The following PTGFRN variants were observed in gnomAD, a reference collection of about 807,000 sequenced individuals.
PTGFRN encodes prostaglandin F2 receptor inhibitor.
PTGFRN carries 35 observed loss-of-function variants against 83.2 expected under a neutral mutation model. The ratio of observed to expected loss-of-function variants is 0.42; its 90% confidence interval spans 0.32 to 0.56. The LOEUF (loss-of-function observed/expected upper bound fraction) is 0.56. PTGFRN is among the 20% of genes least tolerant of loss of function. PTGFRN has a pLI of 0.11. For synonymous variants in PTGFRN, 519 were observed against 498.6 expected (o/e 1.04, Z -0.55); for missense variants, 1,051 against 1,179.5 (o/e 0.89, Z 1.60).
chr1:116,984,236 G>C (rs1651399184), intron 7 of PTGFRN, among the ~76,000 whole-genome samples: 1 of 151,924 alleles, frequency 6.6e-6, no homozygotes, highest in African/African-American at 2.4e-5. Context: ...TTCCAGTCTT[G>C]GGTTCTTCTG....
Position 116,961,520 on chromosome 1 carries a change from G to A in PTGFRN, c.1491G>A (p.Thr497=), listed in dbSNP as rs770023214. The A allele has an allele frequency of 6.8e-6, 11 of 1,613,992 alleles. No individual in the cohort carries two copies. Among genetic ancestry groups the A allele is most frequent in the East Asian group, 4.5e-5 (2 of 44,886 alleles). ...DFIFSKEHTD[T]FNFRIQRTTE... is the part of the protein sequence containing the mutation. ...TTTTTTCTAAGGAACATACAGACACGTTCAATTTCCGGATCCAAAGGACTA... is the reference window on the plus strand; with the variant it reads ...TTTTTTCTAAGGAACATACAGACACATTCAATTTCCGGATCCAAAGGACTA... Residue 497 remains threonine, a synonymous_variant, in exon 5 of 9, where the codon ACG becomes ACA. Transcript: ENST00000393203. The surrounding 1 kb of genome is among the most constrained non-coding windows in gnomAD (Gnocchi z 5.4).
At chr1:116,968,490 G>T (rs2101081232) in intron 6 of PTGFRN, among the ~76,000 whole-genome samples, 1 of 151,968 alleles carries the variant, frequency 6.6e-6, no homozygotes, top group Admixed American at 6.5e-5. Context: ...CTTAGATTTG[G>T]AGAAAGCATA....
Position 116,944,857 on chromosome 1 carries a change from G to T in PTGFRN, c.597G>T (p.Leu199=). The T allele has an allele frequency of 6.2e-7, 1 of 1,602,700 alleles. No homozygotes were observed. Among genetic ancestry groups the T allele is most frequent in the East Asian group, 2.2e-5 (1 of 44,606 alleles). The change falls in exon 3 of 9, where the codon CTG becomes CTT. Residue 199 remains leucine (L), a synonymous_variant. Coordinates refer to ENST00000393203, the MANE Select transcript of PTGFRN (RefSeq NM_020440.4). ...RGPARRSVLA[L]THEGRFHPGL... is the part of the protein sequence containing the mutation. ...CGGCCAGGCGGAGCGTCCTCGCCCT[G>T]ACCCACGAGGGCAGGTTCCACCCGG...
At chr1:116,924,293 C>T (rs1011696709) in intron 1 of PTGFRN, among the ~76,000 whole-genome samples, 1 of 141,764 alleles carries the variant, frequency 7.1e-6, no homozygotes, top group African/African-American at 3.1e-5. Flanking sequence ...ATTACAGGCG[C>T]CTGCCACCAC....
At chr1:116,963,214 G>A (rs1001551257) in intron 5 of PTGFRN, among the ~76,000 whole-genome samples, 2 of 152,166 alleles carry the variant, frequency 1.3e-5, no homozygotes, top group African/African-American at 4.8e-5. Context: ...TGGGCTCTTG[G>A]CACTGCGTGG....
chr1:116,910,009 C>CG lies in PTGFRN; in HGVS notation c.-192dup. ...CGGCTGGAGGAGGGAGGGAAGGAGGCGGGAGGGAGCGAGCGGAGCCAGGGG... is the reference window on the plus strand; with the variant it reads ...CGGCTGGAGGAGGGAGGGAAGGAGGCGGGGAGGGAGCGAGCGGAGCCAGGGG... On this transcript the variant is annotated 5_prime_UTR_variant, in exon 1 of 9. Transcript: ENST00000393203. The CG allele has an allele frequency of 1.5e-6, 1 of 653,508 alleles. No homozygotes were observed. Among genetic ancestry groups the CG allele is most frequent in the South Asian group, 1.7e-5 (1 of 58,752 alleles). 40.5% of individuals were successfully genotyped at this position (653,508 alleles called of 1,614,324 possible).
rs748562245 is a variant in PTGFRN at position 116,961,294 on chromosome 1, A to G, written c.1265A>G (p.Asp422Gly). ...GCTTCCAAGGTCCCCGGGTTTGCGG[A>G]TGACCCCACAGAGCTGGCATGCCGG... Reference protein sequence around the residue: ...LNASKVPGFADDPTELACRVV... With the variant: ...LNASKVPGFAGDPTELACRVV... Residue 422 changes from aspartate to glycine, a missense_variant, in exon 5 of 9, where the codon GAT (aspartate) becomes GGT (glycine). Physicochemically the swap from Asp to Gly is moderately conservative, Grantham distance 94. Coordinates refer to ENST00000393203, the MANE Select transcript of PTGFRN (RefSeq NM_020440.4). This position sits in a 1 kb window ranked among gnomAD's most constrained non-coding sequence, Gnocchi z 5.4. 1 of 1,538,664 alleles carries G rather than the reference A, an allele frequency of 6.5e-7. No individual in the cohort carries two copies. Among genetic ancestry groups the G allele is most frequent in the Non-Finnish European group, 8.8e-7 (1 of 1,142,694 alleles).
Position 116,918,434 on chromosome 1 carries a change from A to G in PTGFRN, c.49+8182A>G, listed in dbSNP as rs1031585902. On this transcript the variant is annotated intron_variant, in intron 1 of 8. Coordinates refer to ENST00000393203, the MANE Select transcript of PTGFRN (RefSeq NM_020440.4). The surrounding 1 kb of genome is among the most constrained non-coding windows in gnomAD (Gnocchi z 4.1). ...AAGTTCCTAGAACTCTGCTACCCCAACTGTGTTCTGTGGACCACCAGCATT... is the reference window on the plus strand; with the variant it reads ...AAGTTCCTAGAACTCTGCTACCCCAGCTGTGTTCTGTGGACCACCAGCATT... Among the ~76,000 whole-genome samples the G allele has an allele frequency of 1.3e-5, 2 of 152,216 alleles. No homozygotes were observed. Among genetic ancestry groups the G allele is most frequent in the East Asian group, 1.9e-4 (1 of 5,200 alleles).
At chr1:116,924,480 G>A (rs1649608757) in intron 1 of PTGFRN, among the ~76,000 whole-genome samples, 1 of 152,154 alleles carries the variant, frequency 6.6e-6, no homozygotes, top group Non-Finnish European at 1.5e-5. Context: ...GCCATGTCTG[G>A]ATTGGGGACT....
chr1:116,922,284 TC>T (rs1004992940), intron 1 of PTGFRN, among the ~76,000 whole-genome samples: 1 of 152,058 alleles, frequency 6.6e-6, no homozygotes, highest in Non-Finnish European at 1.5e-5. Context: ...TTACTGATGT[TC>T]CCCCCAGATA....
At position 116,989,582 on chromosome 1, in the gene PTGFRN, A is replaced by G. The variant is rs1651646643; in HGVS notation, c.*2615A>G. 6.6e-6 allele frequency: 1 copy of G among 152,658 alleles called. No homozygotes were observed. The highest frequency in any genetic ancestry group is 2.1e-4 in the South Asian group (1 of 4,832). The allele number at this position is 152,658 out of a possible 1,614,324, so 9.5% of individuals were successfully genotyped here. A position where few individuals can be genotyped will look rare whatever the true frequency, so the allele number is the denominator to read the frequency against. Reference sequence around the variant, plus strand: ...ACTTCTTAACAAAAAGGAACTTTATAAAAGTTTGGGATTTTTTTTCCTAAT... The same window carrying G: ...ACTTCTTAACAAAAAGGAACTTTATGAAAGTTTGGGATTTTTTTTCCTAAT... On this transcript the variant is annotated 3_prime_UTR_variant, in exon 9 of 9. Coordinates refer to ENST00000393203, the MANE Select transcript of PTGFRN (RefSeq NM_020440.4).
At chr1:116,910,403 C>T (rs900980774) in intron 1 of PTGFRN, 151 bp downstream of exon 1, 25 of 554,296 alleles carry the variant, frequency 4.5e-5, no homozygotes, top group Admixed American at 5.7e-5. Context: ...TTGTTCGGCC[C>T]GGCGGGGAGC....
intron 2 of PTGFRN, among the ~76,000 whole-genome samples, chr1:116,944,322 T>C (rs1650127920): frequency 6.6e-6 from 1 of 152,216 alleles, no homozygotes; most frequent in Non-Finnish European, 1.5e-5. Flanking sequence ...TTAACTCTCA[T>C]GTCAACTCTA....
At chr1:116,942,177 AG>A in intron 2 of PTGFRN, 94 bp downstream of exon 2, 1 of 1,451,094 alleles carries the variant, frequency 6.9e-7, no homozygotes, top group Non-Finnish European at 9.3e-7. Context: ...AATTTCTCTG[AG>A]GCTCTGCTCC....
intron 4 of PTGFRN, among the ~76,000 whole-genome samples, chr1:116,959,294 C>G (rs760169987): frequency 1.5e-4 from 23 of 152,316 alleles, no homozygotes; most frequent in Admixed American, 4.6e-4. Context: ...GGATTCCTCT[C>G]TAGCCCTGGC....
intron 2 of PTGFRN, 39 bp from the exon 3 acceptor site, chr1:116,944,640 G>A (rs754947787): frequency 3.6e-6 from 5 of 1,375,208 alleles, no homozygotes; most frequent in Middle Eastern, 5.6e-4. Context: ...GCTGGGGTCG[G>A]TGTGGACGGG....
chr1:116,965,215 C>T (rs561512355), intron 5 of PTGFRN, among the ~76,000 whole-genome samples: 1 of 152,354 alleles, frequency 6.6e-6, no homozygotes, highest in Admixed American at 6.5e-5. Context: ...GTCTAGAATG[C>T]TCTTCCCAAG....
intron 3 of PTGFRN, among the ~76,000 whole-genome samples, chr1:116,946,740 A>G (rs1374026106): frequency 1.3e-5 from 2 of 152,220 alleles, no homozygotes; most frequent in Non-Finnish European, 2.9e-5. Context: ...AACATGTTTT[A>G]ATTCATAAAA....
intron 6 of PTGFRN, among the ~76,000 whole-genome samples, chr1:116,973,464 G>T (rs1049755578): frequency 1.9e-4 from 29 of 151,952 alleles, no homozygotes; most frequent in Admixed American, 1.0e-3. Context: ...AATTTGCGGG[G>T]CGTAGTGGCA....
Sources: allele counts gnomAD v4.1 joint callset (sites outside exome capture counted in the v4.1 genomes callset), GRCh38; gene constraint gnomAD v4.1.1; non-coding constraint Gnocchi (gnomAD v3.1); transcripts MANE v1.5; gene names NCBI Gene and HGNC (gene_info 2026-07-23, HGNC 2026-07-21).